Variants in MLLT10 observed in about 807,000 individuals in gnomAD.
MLLT10 encodes protein AF-10.
MLLT10 carries 30 observed loss-of-function variants against 129.1 expected under a neutral mutation model. That is an observed-to-expected ratio of 0.23 (90% confidence interval 0.17 to 0.32). MLLT10 has a LOEUF of 0.32. Ranked by LOEUF, MLLT10 falls within the 10% of genes least tolerant of loss-of-function variation. The pLI is 1.00. For missense variants in MLLT10, 1,119 were observed against 1,268.3 expected, an observed-to-expected ratio of 0.88 and a Z score of 1.79; for synonymous variants, 490 against 446.4, an observed-to-expected ratio of 1.10 and a Z score of -1.23.
chr10:21,626,363 C>T (rs1044530930), intron 8 of MLLT10: 8 of 661,162 alleles, frequency 1.2e-5, no homozygotes, highest in African/African-American at 5.5e-5. Flanking sequence ...AAATCTCGCA[C>T]GCGTGCCACC....
At chr10:21,677,165 A>G (rs1157411962) in intron 11 of MLLT10, among the ~76,000 whole-genome samples, 1 of 152,242 alleles carries the variant, frequency 6.6e-6, no homozygotes, top group Non-Finnish European at 1.5e-5. Flanking sequence ...ATGAGGGTCT[A>G]ACACCACACT....
chr10:21,726,915 G>A (rs183912248), intron 15 of MLLT10, among the ~76,000 whole-genome samples: 120 of 152,228 alleles, frequency 7.9e-4, no homozygotes, highest in African/African-American at 2.0e-3. Flanking sequence ...AATCCTGTTA[G>A]AGAATTTCTG....
chr10:21,638,117 A>G (rs1312856537), intron 8 of MLLT10, among the ~76,000 whole-genome samples: 1 of 151,656 alleles, frequency 6.6e-6, no homozygotes, highest in Non-Finnish European at 1.5e-5. Context: ...TGGTGGGGAG[A>G]ATACCTTTTG....
chr10:21,577,748 G>A lies in MLLT10; in HGVS notation c.241-8546G>A, dbSNP rs2040939034. ...AGCCTCCCAAAGTGCTGGGATTACA[G>A]GTGTGAGCCACCGCACCCAGCCTAT... On this transcript the variant is annotated intron_variant, in intron 3 of 22. Coordinates refer to ENST00000307729, the MANE Select transcript of MLLT10 (RefSeq NM_001195626.3). 5.9e-5 allele frequency among the ~76,000 whole-genome samples: 9 copies of A among 152,202 alleles called. No homozygotes were observed. In the South Asian group the frequency reaches 1.9e-3, roughly 32 times the overall value.
chr10:21,537,779 T>C (rs2034326123), intron 2 of MLLT10, among the ~76,000 whole-genome samples: 2 of 152,192 alleles, frequency 1.3e-5, no homozygotes, highest in Admixed American at 1.3e-4. Flanking sequence ...TGAATTTATA[T>C]TCTTTAAATG....
Position 21,556,808 on chromosome 10 carries a change from G to C in MLLT10, c.240+17896G>C, listed in dbSNP as rs574990610. The stretch of plus-strand genomic sequence containing the variant: ...CTTTTGGGCTTGTCTTACTACAGCA[G>C]CTTTCTTCGGTCCTCAGTCATTTAC... On this transcript the variant is annotated intron_variant, in intron 3 of 22. Transcript: ENST00000307729. 2.4e-5 allele frequency: 38 copies of C among 1,570,338 alleles called. 1 individual carries two copies. In the African/African-American group the frequency reaches 3.0e-4, roughly 12 times the overall value.
chr10:21,620,909 C>G (rs888860682), intron 8 of MLLT10, among the ~76,000 whole-genome samples: 3 of 151,644 alleles, frequency 2.0e-5, no homozygotes, highest in Admixed American at 6.6e-5. Context: ...TCTCGAACTC[C>G]TGACCTCAGG....
intron 2 of MLLT10, among the ~76,000 whole-genome samples, chr10:21,536,649 C>G (rs1454991586): frequency 6.6e-6 from 1 of 152,188 alleles, no homozygotes; most frequent in Non-Finnish European, 1.5e-5. Flanking sequence ...TTACAGCTCA[C>G]TGCAGCCTTG....
At chr10:21,543,492 T>G (rs960807289) in intron 3 of MLLT10, among the ~76,000 whole-genome samples, 7 of 152,054 alleles carry the variant, frequency 4.6e-5, no homozygotes, top group Admixed American at 3.9e-4. Flanking sequence ...TTATGTTTTT[T>G]TGGAGACAGA....
chr10:21,586,320 T>C lies in MLLT10; in HGVS notation c.267T>C (p.Asp89=). The C allele has an allele frequency of 6.3e-7, 1 of 1,585,588 alleles. No individual in the cohort carries two copies. The highest frequency in any genetic ancestry group is 8.6e-7 in the Non-Finnish European group (1 of 1,165,792). Residue 89 remains aspartate (D), a synonymous_variant, in exon 4 of 23, where the codon GAT becomes GAC. Transcript: ENST00000307729. The stretch of plus-strand genomic sequence containing the variant: ...GATGTGAACTTTGTCCCCATAAGGA[T>C]GGAGCTTTAAAAAGAACAGATAATG... ...RVRCELCPHK[D]GALKRTDNGG...
chr10:21,643,699 A>G (rs1428724313), intron 8 of MLLT10, among the ~76,000 whole-genome samples: 1 of 152,162 alleles, frequency 6.6e-6, no homozygotes, highest in Admixed American at 6.5e-5. Flanking sequence ...ATGACTAACG[A>G]CACCTCCCTC....
intron 8 of MLLT10, among the ~76,000 whole-genome samples, chr10:21,645,827 A>G (rs1324625724): frequency 6.6e-6 from 1 of 152,196 alleles, no homozygotes; most frequent in East Asian, 1.9e-4. Context: ...GCTCCTTTAA[A>G]TAGTCCTATA....
intron 8 of MLLT10, among the ~76,000 whole-genome samples, chr10:21,633,224 A>G (rs1244252804): frequency 6.6e-6 from 1 of 152,240 alleles, no homozygotes; most frequent in East Asian, 1.9e-4. Flanking sequence ...TAGTACATGT[A>G]AAATGTCCTG....
Position 21,740,137 on chromosome 10 carries a change from A to C in MLLT10, c.3063A>C (p.Ile1021=). ...LQIPGPTQIP[I]NNLLAGTQAP... Reference sequence around the variant, plus strand: ...TCCCTGGACCAACACAAATACCCATAAACAACCTTCTTGCAGGTACACAGG... The same window carrying C: ...TCCCTGGACCAACACAAATACCCATCAACAACCTTCTTGCAGGTACACAGG... The change falls in exon 22 of 23, where the codon ATA becomes ATC. Residue 1021 remains isoleucine, a synonymous_variant. Coordinates refer to ENST00000307729, the MANE Select transcript of MLLT10 (RefSeq NM_001195626.3). 2 of 1,614,156 alleles carry C rather than the reference A, an allele frequency of 1.2e-6. No individual in the cohort carries two copies. The highest frequency in any genetic ancestry group is 1.7e-6 in the Non-Finnish European group (2 of 1,180,036).
At chr10:21,547,678 A>G (rs764592432) in intron 3 of MLLT10, among the ~76,000 whole-genome samples, 4 of 151,828 alleles carry the variant, frequency 2.6e-5, no homozygotes, top group Non-Finnish European at 4.4e-5. Context: ...AGCTGGGACT[A>G]CAGGCACATG....
chr10:21,640,173 A>G (rs2047846862), intron 8 of MLLT10, among the ~76,000 whole-genome samples: 1 of 145,364 alleles, frequency 6.9e-6, no homozygotes, highest in Non-Finnish European at 1.5e-5. Flanking sequence ...TATATTATAT[A>G]TAATATCAAA....
At chr10:21,551,400 TACTA>T (rs754964278) in intron 3 of MLLT10, among the ~76,000 whole-genome samples, 1 of 151,300 alleles carries the variant, frequency 6.6e-6, no homozygotes, top group African/African-American at 2.4e-5. Context: ...GTTGAACATT[TACTA>T]ACTTTTTTTT....
chr10:21,609,910 TTG>T (rs2044430680), intron 5 of MLLT10, among the ~76,000 whole-genome samples: 1 of 152,094 alleles, frequency 6.6e-6, no homozygotes, highest in Non-Finnish European at 1.5e-5. Context: ...CATACACAGA[TTG>T]TGAATTCTCC....
At chr10:21,704,020 T>G (rs1219786842) in intron 13 of MLLT10, among the ~76,000 whole-genome samples, 1 of 127,676 alleles carries the variant, frequency 7.8e-6, no homozygotes, top group Non-Finnish European at 1.6e-5. Context: ...TTTTTTGTTT[T>G]TTTTTTTTTT....
Sources: allele counts gnomAD v4.1 joint callset (sites outside exome capture counted in the v4.1 genomes callset), GRCh38; gene constraint gnomAD v4.1.1; transcripts MANE v1.5; gene names NCBI Gene and HGNC (gene_info 2026-07-23, HGNC 2026-07-21).